Variants in CHD9 observed in about 807,000 individuals in gnomAD.
CHD9 encodes ATP-dependent chromatin remodeler CHD9.
CHD9 carries 77 observed loss-of-function variants against 316.1 expected under a neutral mutation model. The ratio of observed to expected loss-of-function variants is 0.24; its 90% CI spans 0.20 to 0.29. The LOEUF is 0.29. CHD9 is among the 10% of genes least tolerant of loss of function. The pLI, the probability that CHD9 is intolerant of heterozygous loss-of-function variation, is 1.00. For synonymous variants in CHD9, 1,129 were observed against 1,158.3 expected (o/e 0.97, Z 0.51); for missense variants, 2,763 against 3,438.1 (o/e 0.80, Z 4.91).
intron 37 of CHD9, chr16:53,321,230 C>G (rs1165830064): frequency 7.5e-7 from 1 of 1,328,658 alleles, no homozygotes; most frequent in Non-Finnish European, 9.8e-7. Context: ...AAGTCTAACT[C>G]TAGAGGGTGT....
chr16:53,115,181 G>A (rs1185780961), intron 1 of CHD9, among the ~76,000 whole-genome samples: 1 of 152,146 alleles, frequency 6.6e-6, no homozygotes, highest in Non-Finnish European at 1.5e-5. Flanking sequence ...GTTTATAGCA[G>A]CCTAGAGAAT....
intron 2 of CHD9, among the ~76,000 whole-genome samples, chr16:53,198,323 T>A (rs1466455094): frequency 6.7e-6 from 1 of 148,992 alleles, no homozygotes; most frequent in Non-Finnish European, 1.5e-5. Flanking sequence ...CAATTTTTTT[T>A]TTTTTTTTTT....
At chr16:53,133,110 G>T (rs1411373212) in intron 1 of CHD9, among the ~76,000 whole-genome samples, 1 of 152,122 alleles carries the variant, frequency 6.6e-6, no homozygotes, top group East Asian at 1.9e-4. Context: ...TTACAGACCT[G>T]AAGTGCATTG....
intron 1 of CHD9, among the ~76,000 whole-genome samples, chr16:53,152,482 A>G (rs988653988): frequency 5.3e-5 from 8 of 152,122 alleles, no homozygotes; most frequent in Admixed American, 3.9e-4. Flanking sequence ...GGCTGAAGCA[A>G]GGGGGTGAGC....
At position 53,306,360 on chromosome 16, in the gene CHD9, A is replaced by G. The variant is rs2055970414; in HGVS notation, c.6743A>G (p.Gln2248Arg). 5 of 1,606,176 alleles carry G rather than the reference A, an allele frequency of 3.1e-6. No individual in the cohort carries two copies. Among genetic ancestry groups the G allele is most frequent in the Non-Finnish European group, 4.2e-6 (5 of 1,177,026 alleles). Residue 2248 changes from glutamine (Q) to arginine (R), a missense_variant, in exon 32 of 39, where the codon CAA (glutamine) becomes CGA (arginine). By Grantham distance (43) the Gln-to-Arg change is conservative. Around this residue, in one of 15 missense-constraint regions of CHD9, gnomAD observed 663 missense variants for 751.2 expected, o/e 0.88. Coordinates refer to ENST00000447540, the MANE Select transcript of CHD9 (RefSeq NM_001308319.2). ...NGTPESAYIL[Q>R]GGYMLAASYW... The stretch of plus-strand genomic sequence containing the variant: ...ACACCAGAGTCTGCTTATATCTTAC[A>G]AGGTGGATATATGCTGGCAGCCTCG...
intron 1 of CHD9, among the ~76,000 whole-genome samples, chr16:53,072,338 T>G (rs2034144227): frequency 6.6e-6 from 1 of 150,568 alleles, no homozygotes; most frequent in Non-Finnish European, 1.5e-5. Context: ...TTTTTTATAA[T>G]TGGGATCCCT....
Position 53,102,505 on chromosome 16 carries a change from CAG to C in CHD9, c.-165+47431_-165+47432del, listed in dbSNP as rs544377448. Among the ~76,000 whole-genome samples, 244 of 152,154 alleles carry C rather than the reference CAG, an allele frequency of 1.6e-3. 3 individuals carry two copies. The highest frequency in any genetic ancestry group is 5.4e-3 in the African/African-American group (224 of 41,528). On this transcript the variant is annotated intron_variant, in intron 1 of 38. Coordinates refer to ENST00000447540, the MANE Select transcript of CHD9 (RefSeq NM_001308319.2). The stretch of plus-strand genomic sequence containing the variant: ...TGATTCAACCCAAACAGTCTCACTC[CAG>C]AGTCTCTCTTCTGAACTGTGACACT...
At chr16:53,138,929 T>G (rs1034401660) in intron 1 of CHD9, among the ~76,000 whole-genome samples, 2 of 152,216 alleles carry the variant, frequency 1.3e-5, no homozygotes, top group African/African-American at 4.8e-5. Flanking sequence ...AAGATTGGTC[T>G]GCTGATGCTC....
At chr16:53,317,187 G>C (rs1434594194) in intron 36 of CHD9, among the ~76,000 whole-genome samples, 1 of 135,842 alleles carries the variant, frequency 7.4e-6, no homozygotes, top group Non-Finnish European at 1.6e-5. Context: ...AAAAAGAAAA[G>C]AGGATAGGAC....
At chr16:53,265,983 T>G (rs990054448) in intron 20 of CHD9, among the ~76,000 whole-genome samples, 1 of 151,700 alleles carries the variant, frequency 6.6e-6, no homozygotes, top group East Asian at 1.9e-4. Context: ...TTTGTTTTTT[T>G]TTTTAAGGAA....
intron 2 of CHD9, chr16:53,207,954 C>A: frequency 1.2e-6 from 1 of 825,126 alleles, no homozygotes; most frequent in Non-Finnish European, 1.5e-6. Flanking sequence ...CCTACTTCCG[C>A]AGAAGGAGTC....
In CHD9 at chr16:53,078,044, G is replaced by A. The variant is rs547824101; in HGVS notation, c.-165+22967G>A. Among the ~76,000 whole-genome samples the A allele has an allele frequency of 5.3e-5, 8 of 152,204 alleles. No individual in the cohort carries two copies. In the South Asian group the frequency reaches 1.0e-3, roughly 20 times the overall value. On this transcript the variant is annotated intron_variant, in intron 1 of 38. Transcript: ENST00000447540. The stretch of plus-strand genomic sequence containing the variant: ...AGCTGAGATTGCACCACTGCACTCC[G>A]GCATGGGCAACAAAATGAAACCATG...
chr16:53,076,559 G>A (rs975742393), intron 1 of CHD9, among the ~76,000 whole-genome samples: 6 of 151,510 alleles, frequency 4.0e-5, no homozygotes, highest in African/African-American at 1.5e-4. Flanking sequence ...TGGATGACAA[G>A]AGTGAAACTC....
At chr16:53,131,914 T>A (rs1263837968) in intron 1 of CHD9, among the ~76,000 whole-genome samples, 1 of 152,142 alleles carries the variant, frequency 6.6e-6, no homozygotes, top group East Asian at 1.9e-4. Context: ...AGCCCCCGTG[T>A]GTGCGGCCGC....
intron 1 of CHD9, among the ~76,000 whole-genome samples, chr16:53,088,856 G>A (rs569386008): frequency 1.3e-5 from 2 of 151,950 alleles, no homozygotes; most frequent in South Asian, 4.2e-4. Flanking sequence ...GCTCACACCT[G>A]TAATCCCAGC....
intron 3 of CHD9, among the ~76,000 whole-genome samples, chr16:53,218,627 C>T (rs2046972915): frequency 1.3e-5 from 2 of 152,088 alleles, no homozygotes; most frequent in South Asian, 4.1e-4. Flanking sequence ...AATATCTCCG[C>T]CTCTCATTTC....
At chr16:53,172,660 A>G (rs1404257468) in intron 2 of CHD9, among the ~76,000 whole-genome samples, 1 of 152,204 alleles carries the variant, frequency 6.6e-6, no homozygotes, top group Admixed American at 6.5e-5. Context: ...CGTTCGCTCC[A>G]CATCGTTGTC....
chr16:53,126,214 A>G (rs1285124035), intron 1 of CHD9, among the ~76,000 whole-genome samples: 2 of 151,842 alleles, frequency 1.3e-5, no homozygotes, highest in African/African-American at 4.8e-5. Flanking sequence ...CTTTTGGTTT[A>G]TTGTTTTGTG....
At chr16:53,079,167 G>T (rs2034803291) in intron 1 of CHD9, among the ~76,000 whole-genome samples, 1 of 152,174 alleles carries the variant, frequency 6.6e-6, no homozygotes, top group Admixed American at 6.6e-5. Context: ...CCCCTCAAAA[G>T]ATTTTCCTAC....
Sources: gnomAD v4.1 joint callset for allele counts (sites outside exome capture counted in the v4.1 genomes callset) on GRCh38, gnomAD v4.1.1 for gene constraint, gnomAD v4.1.1 regional missense constraint, MANE v1.5 for transcripts, NCBI Gene and HGNC (gene_info 2026-07-23, HGNC 2026-07-21) for gene names.